Variants in LPIN1 observed in about 807,000 individuals in gnomAD.
LPIN1 encodes phosphatidate phosphatase LPIN1.
A neutral mutation model predicts 107.5 loss-of-function variants in LPIN1; 71 were observed. The observed-to-expected ratio is 0.66, with a 90% CI of 0.55 to 0.80. The LOEUF is 0.80. Among genes scored for constraint, LPIN1 ranks in the 30% least tolerant of loss-of-function variants. LPIN1 has a pLI of 0.00. For missense variants in LPIN1, 1,043 were observed against 1,160.6 expected, an observed-to-expected ratio of 0.90 and a Z score of 1.47; for synonymous variants, 445 against 452.6, an observed-to-expected ratio of 0.98 and a Z score of 0.21.
chr2:11,754,104 G>A (rs1191627597), intron 1 of LPIN1, among the ~76,000 whole-genome samples: 2 of 152,196 alleles, frequency 1.3e-5, no homozygotes. Context: ...TTCCCTAGAG[G>A]AAGGGTGCCA....
intron 1 of LPIN1, among the ~76,000 whole-genome samples, chr2:11,709,223 A>G (rs543082040): frequency 3.9e-5 from 6 of 152,298 alleles, no homozygotes; most frequent in African/African-American, 1.4e-4. Flanking sequence ...TTATCTCAAC[A>G]GAGGGTACCA....
At chr2:11,718,586 G>T (rs918189073) in intron 2 of LPIN1, among the ~76,000 whole-genome samples, 5 of 152,212 alleles carry the variant, frequency 3.3e-5, no homozygotes, top group African/African-American at 1.2e-4. Context: ...GTTGAATTTA[G>T]AATTTGAGGT....
intron 1 of LPIN1, among the ~76,000 whole-genome samples, chr2:11,696,848 G>T (rs1056566087): frequency 2.6e-5 from 4 of 152,228 alleles, no homozygotes; most frequent in Admixed American, 6.5e-5. Context: ...CCACCACGTG[G>T]GTCTCCTGTC....
intron 2 of LPIN1, among the ~76,000 whole-genome samples, chr2:11,766,764 CAAACACA>C (rs1401000379): frequency 1.3e-5 from 1 of 78,060 alleles, no homozygotes; most frequent in African/African-American, 1.6e-4. Context: ...AGGCAAAAAA[CAAACACA>C]AACAAACAAA....
chr2:11,772,985 T>A (rs923384440), intron 4 of LPIN1, among the ~76,000 whole-genome samples: 1 of 152,238 alleles, frequency 6.6e-6, no homozygotes, highest in Non-Finnish European at 1.5e-5. Flanking sequence ...TTCTTATAAT[T>A]GCCTTCTCTG....
intron 14 of LPIN1, among the ~76,000 whole-genome samples, chr2:11,800,227 A>ATTT (rs2148692149): frequency 6.6e-6 from 1 of 152,132 alleles, no homozygotes; most frequent in Admixed American, 6.5e-5. Context: ...CCCAAAGCCC[A>ATTT]CCGACCTCCC....
At position 11,824,734 on chromosome 2, in the gene LPIN1, T is replaced by A; in HGVS notation, c.2724T>A (p.Phe908Leu). The A allele has an allele frequency of 1.9e-6, 3 of 1,614,182 alleles. No homozygotes were observed. The highest frequency in any genetic ancestry group is 2.5e-6 in the Non-Finnish European group (3 of 1,180,030). Residue 908 changes from phenylalanine to leucine, a missense_variant, in exon 21 of 21, where the codon TTT (phenylalanine) becomes TTA (leucine). Coordinates refer to ENST00000674199, the MANE Select transcript of LPIN1 (RefSeq NM_001349206.2). ...PCSDTFSNFT[F>L]WREPLPPFEN... ...CGGATACCTTCAGTAACTTCACCTTTTGGAGAGAGCCACTGCCACCTTTTG... is the reference window on the plus strand; with the variant it reads ...CGGATACCTTCAGTAACTTCACCTTATGGAGAGAGCCACTGCCACCTTTTG...
chr2:11,750,062 C>T (rs1198641560), intron 1 of LPIN1, among the ~76,000 whole-genome samples: 1 of 152,214 alleles, frequency 6.6e-6, no homozygotes, highest in African/African-American at 2.4e-5. Context: ...CATTTGCCTG[C>T]TGGCACGCAC....
chr2:11,712,546 A>G (rs577480324), intron 1 of LPIN1, among the ~76,000 whole-genome samples: 3 of 152,346 alleles, frequency 2.0e-5, no homozygotes, highest in East Asian at 1.9e-4. Context: ...AGCGAAGTAC[A>G]TGACCCCTAG....
chr2:11,727,370 C>T (rs970383559), intron 1 of LPIN1, among the ~76,000 whole-genome samples: 5 of 152,132 alleles, frequency 3.3e-5, no homozygotes, highest in Non-Finnish European at 5.9e-5. Context: ...GTTCTTTCAA[C>T]ATCTTTGCTC....
chr2:11,792,136 T>C, intron 13 of LPIN1, 130 bp downstream of exon 13: 1 of 800,666 alleles, frequency 1.2e-6, no homozygotes, highest in Admixed American at 2.1e-5. Context: ...GAGCCAGCTC[T>C]GCCATGAAGT....
rs924903591 is a variant in LPIN1 at position 11,825,111 on chromosome 2, T to C, written c.*320T>C. 1.5e-5 allele frequency: 6 copies of C among 393,838 alleles called. No individual in the cohort carries two copies. Among genetic ancestry groups the C allele is most frequent in the Admixed American group, 7.7e-5 (2 of 25,952 alleles). The allele number at this position is 393,838 out of a possible 1,614,324, so 24.4% of individuals were successfully genotyped here. A position where few individuals can be genotyped will look rare whatever the true frequency, so the allele number is the denominator to read the frequency against. ...AAGTAGCTACTGGTTCACGTGCAGT[T>C]TGGGGCTGTGAAACCTAGGCAGAAG... On this transcript the variant is annotated 3_prime_UTR_variant, in exon 21 of 21. Transcript: ENST00000674199. This position sits in a 1 kb window ranked among gnomAD's most constrained non-coding sequence, Gnocchi z 4.1.
chr2:11,743,569 G>T (rs1405245577), upstream of LPIN1, among the ~76,000 whole-genome samples: 1 of 152,162 alleles, frequency 6.6e-6, no homozygotes, highest in Non-Finnish European at 1.5e-5. The surrounding 1 kb of genome is among the most constrained non-coding windows in gnomAD (Gnocchi z 4.7). Context: ...AAGTCACCTC[G>T]TGAGGGGCCC....
intron 1 of LPIN1, among the ~76,000 whole-genome samples, chr2:11,691,425 A>G (rs757800842): frequency 2.6e-5 from 4 of 152,282 alleles, no homozygotes; most frequent in Non-Finnish European, 4.4e-5. Context: ...ATCCCTTCCC[A>G]GGATTACCTT....
At chr2:11,679,855 A>C (rs1302997062) in intron 1 of LPIN1, among the ~76,000 whole-genome samples, 1 of 152,204 alleles carries the variant, frequency 6.6e-6, no homozygotes, top group Non-Finnish European at 1.5e-5. Flanking sequence ...GCTTCCTGCA[A>C]GGCTCTGCTT....
Position 11,782,729 on chromosome 2 carries a change from A to G in LPIN1, c.1264+222A>G, listed in dbSNP as rs7587836. On this transcript the variant is annotated intron_variant, in intron 8 of 20. Coordinates refer to ENST00000674199, the MANE Select transcript of LPIN1 (RefSeq NM_001349206.2). ...CCTTGAGGATCATGTAGCAAACTTCATTTTACACACTGAGGCTGCTCGCTG... is the reference window on the plus strand; with the variant it reads ...CCTTGAGGATCATGTAGCAAACTTCGTTTTACACACTGAGGCTGCTCGCTG... Among the ~76,000 whole-genome samples the G allele has an allele frequency of 0.15, 23,346 of 152,136 alleles. 1,830 individuals carry two copies. Among genetic ancestry groups the G allele is most frequent in the Non-Finnish European group, 0.17 (11,654 of 68,004 alleles).
At position 11,803,295 on chromosome 2, in the gene LPIN1, G is replaced by A. The variant is rs1678107485; in HGVS notation, c.2013+262G>A. On this transcript the variant is annotated intron_variant, in intron 15 of 20. Transcript: ENST00000674199. The surrounding 1 kb of genome is among the most constrained non-coding windows in gnomAD (Gnocchi z 4.2). Reference sequence around the variant, plus strand: ...CTAGTTTACTAGAGTTAGGAGGAAGGCAGCCTGGCGGAGCTAATTCGTCCT... The same window carrying A: ...CTAGTTTACTAGAGTTAGGAGGAAGACAGCCTGGCGGAGCTAATTCGTCCT... Among the ~76,000 whole-genome samples the A allele has an allele frequency of 6.6e-6, 1 of 152,180 alleles. No individual in the cohort carries two copies. The highest frequency in any genetic ancestry group is 2.4e-5 in the African/African-American group (1 of 41,442).
chr2:11,696,115 T>C (rs1662563406), intron 1 of LPIN1, among the ~76,000 whole-genome samples: 1 of 150,910 alleles, frequency 6.6e-6, no homozygotes, highest in South Asian at 2.1e-4. Flanking sequence ...GCAGGTTTGT[T>C]ACATAGGTAT....
intron 17 of LPIN1, among the ~76,000 whole-genome samples, chr2:11,807,398 A>G (rs1678890593): frequency 6.6e-6 from 1 of 152,226 alleles, no homozygotes; most frequent in Non-Finnish European, 1.5e-5. Flanking sequence ...GTTGAAGGAA[A>G]GAAACCCTCA....
Sources: allele counts gnomAD v4.1 joint callset (sites outside exome capture counted in the v4.1 genomes callset), GRCh38; gene constraint gnomAD v4.1.1; non-coding constraint Gnocchi (gnomAD v3.1); transcripts MANE v1.5; gene names NCBI Gene and HGNC (gene_info 2026-07-23, HGNC 2026-07-21).